Variants in PTPN12 observed in about 807,000 individuals in gnomAD.
PTPN12 encodes tyrosine-protein phosphatase non-receptor type 12.
In PTPN12, 29 loss-of-function variants were observed where a neutral mutation model predicts 97.6. The ratio of observed to expected loss-of-function variants is 0.30; its 90% CI spans 0.22 to 0.41. The LOEUF (loss-of-function observed/expected upper bound fraction) is 0.41. Among genes scored for constraint, PTPN12 ranks in the 10% least tolerant of loss-of-function variants. The pLI, the probability that PTPN12 is intolerant of heterozygous loss-of-function variation, is 1.00. For synonymous variants in PTPN12, 327 were observed against 300.4 expected (o/e 1.09, Z -0.91); for missense variants, 819 against 926.0 (o/e 0.88, Z 1.50).
chr7:77,614,243 TA>T (rs1584194288), intron 11 of PTPN12, among the ~76,000 whole-genome samples: 1 of 152,312 alleles, frequency 6.6e-6, no homozygotes, highest in East Asian at 1.9e-4. Flanking sequence ...AAATATGTGA[TA>T]AATACCGCAT....
At chr7:77,585,745 ATGT>A (rs1787669530) in intron 5 of PTPN12, among the ~76,000 whole-genome samples, 164 bp downstream of exon 5, 1 of 152,054 alleles carries the variant, frequency 6.6e-6, no homozygotes. Context: ...TCTCTCAAGC[ATGT>A]TGTTTTCTTT....
At position 77,625,468 on chromosome 7, in the gene PTPN12, G is replaced by GCTCGCTCTCT. The variant is rs770548454; in HGVS notation, c.1026-1233_1026-1224dup. ...AGGGTTTTGCCATATTGCCCAGGCT[G>GCTCGCTCTCT]CTCGCTCTCTCTCTCTCTCTCTCTC... On this transcript the variant is annotated intron_variant, in intron 12 of 17. Coordinates refer to ENST00000248594, the MANE Select transcript of PTPN12 (RefSeq NM_002835.4). Among the ~76,000 whole-genome samples, 2 of 24,752 alleles carry GCTCGCTCTCT rather than the reference G, an allele frequency of 8.1e-5. 1 individual carries two copies. The highest frequency in any genetic ancestry group is 1.3e-4 in the Non-Finnish European group (2 of 15,582). 16.2% of individuals were successfully genotyped at this position (24,752 alleles called of 152,430 possible).
chr7:77,616,074 G>T (rs1363649796), intron 11 of PTPN12, among the ~76,000 whole-genome samples: 1 of 152,106 alleles, frequency 6.6e-6, no homozygotes, highest in Non-Finnish European at 1.5e-5. Flanking sequence ...CCAGAATGAG[G>T]AATCCTTCAT....
At chr7:77,576,289 C>A (rs1484155600) in intron 2 of PTPN12, among the ~76,000 whole-genome samples, 1 of 152,100 alleles carries the variant, frequency 6.6e-6, no homozygotes, top group Admixed American at 6.5e-5. Context: ...TGTCATACAA[C>A]TCTCTGTGTG....
intron 14 of PTPN12, among the ~76,000 whole-genome samples, chr7:77,633,742 A>G (rs564912281): frequency 2.0e-5 from 3 of 152,140 alleles, no homozygotes; most frequent in Non-Finnish European, 4.4e-5. Flanking sequence ...ACTGGAGTAG[A>G]CTGAGCACAT....
chr7:77,578,914 A>G (rs1316725833), intron 2 of PTPN12, among the ~76,000 whole-genome samples: 1 of 152,158 alleles, frequency 6.6e-6, no homozygotes, highest in Non-Finnish European at 1.5e-5. Context: ...TTGGTAACCA[A>G]GCAATACCAT....
In PTPN12 at chr7:77,558,237, AAAAG is replaced by A. The variant is rs1271640032; in HGVS notation, c.100-12833_100-12830del. 1.8e-4 allele frequency among the ~76,000 whole-genome samples: 28 copies of A among 151,980 alleles called. 1 individual carries two copies. Among genetic ancestry groups the A allele is most frequent in the African/African-American group, 5.3e-4 (22 of 41,480 alleles). Reference sequence around the variant, plus strand: ...AAAAAAAAAAAAAAAAGAAAAAGAAAAAAGAAAGAAAAAGAAAATGGTAAGGATA... The same window carrying A: ...AAAAAAAAAAAAAAAAGAAAAAGAAAAAAGAAAAAGAAAATGGTAAGGATA... On this transcript the variant is annotated intron_variant, in intron 1 of 17. Transcript: ENST00000248594.
intron 11 of PTPN12, among the ~76,000 whole-genome samples, chr7:77,614,169 G>A (rs1019984365): frequency 2.2e-4 from 34 of 152,156 alleles, no homozygotes; most frequent in African/African-American, 7.5e-4. Flanking sequence ...ACAGGCATGA[G>A]CCATTGTGCC....
At chr7:77,560,346 TA>T (rs2151307559) in intron 1 of PTPN12, among the ~76,000 whole-genome samples, 1 of 152,346 alleles carries the variant, frequency 6.6e-6, no homozygotes, top group East Asian at 1.9e-4. Flanking sequence ...AAACAACTAC[TA>T]AGGGTTTCTT....
At chr7:77,564,746 G>GGTTTTTTTTTTTTTTTTTTTTTT (rs1808162192) in intron 1 of PTPN12, among the ~76,000 whole-genome samples, 1 of 45,370 alleles carries the variant, frequency 2.2e-5, no homozygotes, top group African/African-American at 9.0e-5. Flanking sequence ...TTGTTGTCGT[G>GGTTTTTTTTTTTTTTTTTTTTTT]TTTTTTTTTT....
chr7:77,631,153 T>C (rs1789383845), intron 13 of PTPN12, among the ~76,000 whole-genome samples: 1 of 152,120 alleles, frequency 6.6e-6, no homozygotes, highest in Non-Finnish European at 1.5e-5. Context: ...AGGAGACATA[T>C]GGTGATGACT....
intron 1 of PTPN12, among the ~76,000 whole-genome samples, chr7:77,560,216 G>A (rs1807935169): frequency 6.6e-6 from 1 of 152,124 alleles, no homozygotes; most frequent in African/African-American, 2.4e-5. Flanking sequence ...TTCATGAATA[G>A]GTCAGAACTT....
At chr7:77,553,681 AAGTGGATCTCTTGTAGAC>A (rs1807574156) in intron 1 of PTPN12, among the ~76,000 whole-genome samples, 1 of 152,162 alleles carries the variant, frequency 6.6e-6, no homozygotes, top group Non-Finnish European at 1.5e-5. Context: ...TGTATATTTA[AAGTGGATCTCTTGTAGAC>A]AGCATATAGT....
chr7:77,563,074 C>G (rs1378926499), intron 1 of PTPN12, among the ~76,000 whole-genome samples: 1 of 151,392 alleles, frequency 6.6e-6, no homozygotes, highest in Non-Finnish European at 1.5e-5. Flanking sequence ...TATTTAAAAA[C>G]ATTCTCAAAA....
At position 77,632,435 on chromosome 7, in the gene PTPN12, T is replaced by A; in HGVS notation, c.2074+10T>A. The A allele has an allele frequency of 6.3e-7, 1 of 1,591,258 alleles. No individual in the cohort carries two copies. The highest frequency in any genetic ancestry group is 8.6e-7 in the Non-Finnish European group (1 of 1,160,060). On this transcript the variant is annotated intron_variant, in intron 14 of 17. Coordinates refer to ENST00000248594, the MANE Select transcript of PTPN12 (RefSeq NM_002835.4). ...TTAGCAAGTGAACATAGTGAGTGTC[T>A]CTTTTGCTTTTACATTTACTTCATA...
intron 1 of PTPN12, among the ~76,000 whole-genome samples, chr7:77,556,899 C>G (rs180969628): frequency 5.3e-5 from 8 of 152,036 alleles, no homozygotes; most frequent in Admixed American, 4.6e-4. Context: ...GGTAGAGCTC[C>G]TGGAGGTAAA....
At chr7:77,589,276 G>A (rs1361492413) in intron 5 of PTPN12, among the ~76,000 whole-genome samples, 1 of 152,048 alleles carries the variant, frequency 6.6e-6, no homozygotes, top group Admixed American at 6.6e-5. Flanking sequence ...TTCTTACCCT[G>A]ATTTTCTAAC....
chr7:77,575,697 A>G (rs991082903), intron 2 of PTPN12, among the ~76,000 whole-genome samples: 1 of 152,206 alleles, frequency 6.6e-6, no homozygotes, highest in African/African-American at 2.4e-5. Context: ...AACAATTAAT[A>G]CAATCTAGTT....
At chr7:77,607,817 G>A (rs1024441711) in intron 9 of PTPN12, among the ~76,000 whole-genome samples, 53 of 150,346 alleles carry the variant, frequency 3.5e-4, no homozygotes, top group Non-Finnish European at 6.5e-4. Flanking sequence ...GCGATGGTGC[G>A]ATCTCAGCTC....
Sources: gnomAD v4.1 joint callset for allele counts (sites outside exome capture counted in the v4.1 genomes callset) on GRCh38, gnomAD v4.1.1 for gene constraint, MANE v1.5 for transcripts, NCBI Gene and HGNC (gene_info 2026-07-23, HGNC 2026-07-21) for gene names.